The following RIMKLB variants were observed in gnomAD, a reference collection of about 807,000 sequenced individuals.
RIMKLB encodes beta-citrylglutamate synthase B.
Under a neutral mutation model 32.0 loss-of-function variants are expected in RIMKLB, and 7 were observed. The observed-to-expected ratio is 0.22, with a 90% CI of 0.12 to 0.41. RIMKLB has a LOEUF of 0.41. RIMKLB is among the 10% of genes least tolerant of loss of function. RIMKLB has a pLI of 1.00. For missense variants in RIMKLB, 289 were observed against 498.7 expected, an observed-to-expected ratio of 0.58 and a Z score of 4.00; for synonymous variants, 172 against 185.1, an observed-to-expected ratio of 0.93 and a Z score of 0.57.
chr12:8,670,673 C>G, the RIMKLB span, among the ~76,000 whole-genome samples: 1 of 152,208 alleles, frequency 6.6e-6, no homozygotes, highest in African/African-American at 2.4e-5. Flanking sequence ...ATCTACCATT[C>G]TGGGGTCTGG....
chr12:8,731,832 T>C (rs77204977), intron 2 of RIMKLB, among the ~76,000 whole-genome samples: 1 of 152,234 alleles, frequency 6.6e-6, no homozygotes, highest in South Asian at 2.1e-4. Context: ...TTTATCCTTT[T>C]GAGGATCTTG....
At chr12:8,726,851 T>A (rs1280987833) in intron 2 of RIMKLB, among the ~76,000 whole-genome samples, 2 of 152,230 alleles carry the variant, frequency 1.3e-5, no homozygotes, top group Non-Finnish European at 2.9e-5. Context: ...TGTTTGTTAC[T>A]GTTTTCTCTT....
At chr12:8,770,125 G>A (rs1219908618) in intron 5 of RIMKLB, among the ~76,000 whole-genome samples, 1 of 152,080 alleles carries the variant, frequency 6.6e-6, no homozygotes, top group African/African-American at 2.4e-5. Context: ...ACCACACCCA[G>A]CTAATTTTTG....
intron 2 of RIMKLB, among the ~76,000 whole-genome samples, chr12:8,737,650 C>G (rs111769670): frequency 0.033 from 5,006 of 152,148 alleles, 278 homozygotes; most frequent in African/African-American, 0.11. Flanking sequence ...TTTTCCCCCC[C>G]TCATCTCTAT....
At chr12:8,725,665 T>A (rs943299955) in intron 2 of RIMKLB, among the ~76,000 whole-genome samples, 1 of 152,226 alleles carries the variant, frequency 6.6e-6, no homozygotes, top group African/African-American at 2.4e-5. Context: ...GAGTGGCTGC[T>A]GGGTAGGGCT....
upstream of RIMKLB, among the ~76,000 whole-genome samples, chr12:8,694,299 G>A (rs1168081711): frequency 1.3e-5 from 2 of 151,516 alleles, no homozygotes; most frequent in East Asian, 1.9e-4. Flanking sequence ...GCTGGTCTTG[G>A]ACTCGTGTAT....
intron 1 of RIMKLB, among the ~76,000 whole-genome samples, chr12:8,709,360 T>C (rs1268027387): frequency 6.6e-6 from 1 of 152,262 alleles, no homozygotes; most frequent in Non-Finnish European, 1.5e-5. Context: ...TTCTTTTTTC[T>C]TTATGTTAGC....
At chr12:8,765,054 C>T (rs2138088941) in intron 5 of RIMKLB, among the ~76,000 whole-genome samples, 1 of 151,622 alleles carries the variant, frequency 6.6e-6, no homozygotes, top group South Asian at 2.1e-4. Flanking sequence ...CTAAGGCACA[C>T]TTCTGAAGTT....
intron 2 of RIMKLB, among the ~76,000 whole-genome samples, chr12:8,718,138 C>T (rs1945045454): frequency 6.6e-6 from 1 of 152,048 alleles, no homozygotes; most frequent in Non-Finnish European, 1.5e-5. Flanking sequence ...TATTCCATTT[C>T]CTCTATGGAA....
chr12:8,772,903 G>A (rs905274558), intron 5 of RIMKLB, among the ~76,000 whole-genome samples: 1 of 152,188 alleles, frequency 6.6e-6, no homozygotes, highest in Non-Finnish European at 1.5e-5. Context: ...TGAAGTGGGG[G>A]CTATAGAGGA....
the RIMKLB span, among the ~76,000 whole-genome samples, chr12:8,674,357 G>A: frequency 6.7e-6 from 1 of 149,758 alleles, no homozygotes; most frequent in African/African-American, 2.5e-5. Flanking sequence ...TCCTGGCTCA[G>A]CCTCCCGAGT....
At chr12:8,755,764 T>C (rs1395786250) in intron 5 of RIMKLB, among the ~76,000 whole-genome samples, 1 of 152,086 alleles carries the variant, frequency 6.6e-6, no homozygotes, top group Non-Finnish European at 1.5e-5. Context: ...ATCCCAACAC[T>C]TGGGGAGGCT....
intron 5 of RIMKLB, among the ~76,000 whole-genome samples, chr12:8,756,249 C>CG (rs1283427078): frequency 6.6e-6 from 1 of 151,570 alleles, no homozygotes; most frequent in African/African-American, 2.4e-5. Context: ...TGAGCCTGGG[C>CG]GGTCGAGGCT....
intron 5 of RIMKLB, among the ~76,000 whole-genome samples, chr12:8,763,327 TA>T (rs1180752128): frequency 6.6e-6 from 1 of 152,226 alleles, no homozygotes; most frequent in Non-Finnish European, 1.5e-5. Flanking sequence ...TTGGCAAGCT[TA>T]ACACTGGGGC....
chr12:8,724,002 T>C (rs183211950), intron 2 of RIMKLB, among the ~76,000 whole-genome samples: 1 of 151,868 alleles, frequency 6.6e-6, no homozygotes, highest in Admixed American at 6.6e-5. Context: ...TGTTTTGTTT[T>C]GTTTTGTTTT....
At chr12:8,710,488 A>G (rs1402624420) in intron 1 of RIMKLB, among the ~76,000 whole-genome samples, 2 of 150,918 alleles carry the variant, frequency 1.3e-5, no homozygotes, top group Non-Finnish European at 3.0e-5. Context: ...TTGTATTTTT[A>G]GTAAAGACAG....
chr12:8,684,900 G>T (rs1942526179), intron 1 of RIMKLB, among the ~76,000 whole-genome samples: 1 of 152,226 alleles, frequency 6.6e-6, no homozygotes, highest in Admixed American at 6.5e-5. Flanking sequence ...TGGGATTACA[G>T]GCGTGAGCAA....
At chr12:8,726,217 C>A (rs1433935515) in intron 2 of RIMKLB, among the ~76,000 whole-genome samples, 1 of 152,170 alleles carries the variant, frequency 6.6e-6, no homozygotes, top group Non-Finnish European at 1.5e-5. Flanking sequence ...TTCATTGTTT[C>A]GTGTTGTCAG....
At chr12:8,712,438 A>G (rs1466349715) in intron 1 of RIMKLB, among the ~76,000 whole-genome samples, 1 of 152,212 alleles carries the variant, frequency 6.6e-6, no homozygotes, top group Non-Finnish European at 1.5e-5. Context: ...ATAAAAATAA[A>G]AAGTTATTAA....
Sources: allele counts gnomAD v4.1 joint callset (sites outside exome capture counted in the v4.1 genomes callset), GRCh38; gene constraint gnomAD v4.1.1; transcripts MANE v1.5; gene names NCBI Gene and HGNC (gene_info 2026-07-23, HGNC 2026-07-21).